EPHB2: variants seen among roughly 807,000 people sequenced by gnomAD.
EPHB2 encodes the protein EPH receptor B2.
Under a neutral mutation model 96.4 loss-of-function variants are expected in EPHB2, and 18 were observed. That is an observed-to-expected ratio of 0.19 (90% CI 0.13 to 0.28). The LOEUF is 0.28. EPHB2 is among the 10% of genes least tolerant of loss of function. EPHB2 has a pLI of 1.00. For synonymous variants in EPHB2, 506 were observed against 534.1 expected, an observed-to-expected ratio of 0.95 and a Z score of 0.72; for missense variants, 989 against 1,355.4, an observed-to-expected ratio of 0.73 and a Z score of 4.25.
chr1:22,866,067 T>A (rs1016122245), intron 5 of EPHB2, among the ~76,000 whole-genome samples: 2 of 152,084 alleles, frequency 1.3e-5, no homozygotes, highest in Non-Finnish European at 2.9e-5. Context: ...CTCAGTGTCA[T>A]AGGAGGCTAA....
intron 3 of EPHB2, among the ~76,000 whole-genome samples, chr1:22,818,447 T>C (rs1557693493): frequency 2.0e-5 from 3 of 152,076 alleles, no homozygotes; most frequent in Non-Finnish European, 2.9e-5. Context: ...CCTGCCCTCT[T>C]CCCCATCCAG....
At chr1:22,789,131 C>T (rs542866078) in intron 3 of EPHB2, among the ~76,000 whole-genome samples, 1 of 152,192 alleles carries the variant, frequency 6.6e-6, no homozygotes, top group Non-Finnish European at 1.5e-5. Flanking sequence ...TGTGATAACA[C>T]ATGTTTGGCT....
chr1:22,841,782 G>A (rs778741864), intron 3 of EPHB2, among the ~76,000 whole-genome samples: 1 of 152,310 alleles, frequency 6.6e-6, no homozygotes, highest in Non-Finnish European at 1.5e-5. Context: ...TCACAGTGCC[G>A]GAAGTGTCCA....
In EPHB2 at chr1:22,733,587, C is replaced by T. The variant is rs1351918955; in HGVS notation, c.61+22544C>T. On this transcript the variant is annotated intron_variant, in intron 1 of 15. Transcript: ENST00000374630. The surrounding 1 kb of genome is among the most constrained non-coding windows in gnomAD (Gnocchi z 4.6). Reference sequence around the variant, plus strand: ...CCTTATTATGTGCCATGTTGCCATGCTGAATCCACCACTGTGAGGCAGGAT... The same window carrying T: ...CCTTATTATGTGCCATGTTGCCATGTTGAATCCACCACTGTGAGGCAGGAT... Among the ~76,000 whole-genome samples, 1 of 152,202 alleles carries T rather than the reference C, an allele frequency of 6.6e-6. No homozygotes were observed. The highest frequency in any genetic ancestry group is 1.5e-5 in the Non-Finnish European group (1 of 68,046).
At chr1:22,863,888 G>A (rs894560080) in intron 4 of EPHB2, among the ~76,000 whole-genome samples, 3 of 152,090 alleles carry the variant, frequency 2.0e-5, no homozygotes, top group Admixed American at 6.5e-5. Flanking sequence ...ACCACACCCA[G>A]CTAATTTTTC....
chr1:22,712,668 G>C (rs1165078476), intron 1 of EPHB2, among the ~76,000 whole-genome samples: 4 of 152,236 alleles, frequency 2.6e-5, no homozygotes, highest in Non-Finnish European at 5.9e-5. Flanking sequence ...GCTGACTGCG[G>C]TTTCCCGGAG....
chr1:22,827,987 G>A (rs1267735038), intron 3 of EPHB2, among the ~76,000 whole-genome samples: 2 of 152,224 alleles, frequency 1.3e-5, no homozygotes, highest in African/African-American at 2.4e-5. Flanking sequence ...ACAGTCATGT[G>A]TGTGTCCACA....
At chr1:22,895,440 G>T (rs765052518) in intron 7 of EPHB2, 32 bp from the exon 8 acceptor site, 1 of 1,608,508 alleles carries the variant, frequency 6.2e-7, no homozygotes, top group Non-Finnish European at 8.5e-7. Flanking sequence ...CCACAGCCAG[G>T]CTGAGAATGC....
chr1:22,846,916 G>GGCT lies in EPHB2; in HGVS notation c.812-16119_812-16117dup, dbSNP rs1315838534. ...ACTGACCGGGGCATCTTCCCCACCA[G>GGCT]GCTGGGAGCCCCTTGAGCTGTGGAT... On this transcript the variant is annotated intron_variant, in intron 3 of 15. Coordinates refer to ENST00000374630, the MANE Select transcript of EPHB2 (RefSeq NM_017449.5). This position sits in a 1 kb window ranked among gnomAD's most constrained non-coding sequence, Gnocchi z 4.3. 6.6e-6 allele frequency among the ~76,000 whole-genome samples: 1 copy of GGCT among 152,188 alleles called. No individual in the cohort carries two copies. Among genetic ancestry groups the GGCT allele is most frequent in the Non-Finnish European group, 1.5e-5 (1 of 68,034 alleles).
In EPHB2 at chr1:22,845,844, TG is replaced by T. The variant is rs1557709035; in HGVS notation, c.812-17192del. Among the ~76,000 whole-genome samples, 3 of 152,186 alleles carry T rather than the reference TG, an allele frequency of 2.0e-5. No homozygotes were observed. In the East Asian group the frequency reaches 5.8e-4, roughly 29 times the overall value. ...TAAAGGTGATTGCTCTAAATGGCCA[TG>T]TCTAGGCAATTTGTCATAAAGTCTC... is the stretch of plus-strand genomic sequence containing the variant. On this transcript the variant is annotated intron_variant, in intron 3 of 15. Transcript: ENST00000374630.
At chr1:22,736,721 C>G (rs10442641) in intron 1 of EPHB2, among the ~76,000 whole-genome samples, 1 of 152,096 alleles carries the variant, frequency 6.6e-6, no homozygotes, top group African/African-American at 2.4e-5. Flanking sequence ...GCCCAGACCC[C>G]GGGCCCAGCC....
chr1:22,868,632 T>C lies in EPHB2; in HGVS notation c.1303+3420T>C, dbSNP rs113687533. ...CACCCCAGGCTTGTTTCTCTCAAGG[T>C]GAAGTGTAGGAGCATGGAGGGAGCC... On this transcript the variant is annotated intron_variant, in intron 5 of 15. Coordinates refer to ENST00000374630, the MANE Select transcript of EPHB2 (RefSeq NM_017449.5). 4.2e-3 allele frequency among the ~76,000 whole-genome samples: 641 copies of C among 152,152 alleles called. 3 individuals carry two copies. Among genetic ancestry groups the C allele is most frequent in the Middle Eastern group, 0.024 (7 of 294 alleles).
At position 22,858,871 on chromosome 1, in the gene EPHB2, C is replaced by T. The variant is rs1489009117; in HGVS notation, c.812-4166C>T. On this transcript the variant is annotated intron_variant, in intron 3 of 15. Transcript: ENST00000374630. This position sits in a 1 kb window ranked among gnomAD's most constrained non-coding sequence, Gnocchi z 7.7. ...GGGTGGGGCTCGATCCCCTTCCAGC[C>T]CCTCATTCATCCACCCATCACCCAC... 1.3e-5 allele frequency among the ~76,000 whole-genome samples: 2 copies of T among 152,184 alleles called. No individual in the cohort carries two copies. Among genetic ancestry groups the T allele is most frequent in the Non-Finnish European group, 2.9e-5 (2 of 68,042 alleles).
intron 3 of EPHB2, among the ~76,000 whole-genome samples, chr1:22,788,366 C>G (rs1334362260): frequency 2.0e-5 from 3 of 152,246 alleles, no homozygotes; most frequent in Non-Finnish European, 1.5e-5. Flanking sequence ...CAGCCATCCA[C>G]TGAGTGTGAG....
chr1:22,784,784 C>T lies in EPHB2; in HGVS notation c.519C>T (p.Gly173=). 6.2e-7 allele frequency: 1 copy of T among 1,606,290 alleles called. No individual in the cohort carries two copies. The highest frequency in any genetic ancestry group is 8.5e-7 in the Non-Finnish European group (1 of 1,174,636). The change falls in exon 3 of 16, where the codon GGC becomes GGT. Residue 173 remains glycine, a synonymous_variant. Coordinates refer to ENST00000374630, the MANE Select transcript of EPHB2 (RefSeq NM_017449.5). This position sits in a 1 kb window ranked among gnomAD's most constrained non-coding sequence, Gnocchi z 5.1. ...GCTTCGGACCTGTGTCCCGCAGCGGCTTCTACCTGGCCTTCCAGGACTATG... is the reference window on the plus strand; with the variant it reads ...GCTTCGGACCTGTGTCCCGCAGCGGTTTCTACCTGGCCTTCCAGGACTATG... ...VRSFGPVSRS[G]FYLAFQDYGG... is the part of the protein sequence containing the mutation.
chr1:22,788,756 T>G lies in EPHB2; in HGVS notation c.811+3680T>G, dbSNP rs1380158011. 4.3e-5 allele frequency among the ~76,000 whole-genome samples: 5 copies of G among 117,032 alleles called. No homozygotes were observed. In the East Asian group the frequency reaches 2.3e-3, roughly 54 times the overall value. 76.8% of individuals were successfully genotyped at this position (117,032 alleles called of 152,430 possible). The stretch of plus-strand genomic sequence containing the variant: ...TGTTTTTTTGTCTTTTGTTTTTGTT[T>G]TTTTTTTTTTTTTTTTGTGACAGGG... On this transcript the variant is annotated intron_variant, in intron 3 of 15. Coordinates refer to ENST00000374630, the MANE Select transcript of EPHB2 (RefSeq NM_017449.5).
chr1:22,753,123 T>C (rs2148382409), intron 1 of EPHB2, among the ~76,000 whole-genome samples: 1 of 152,244 alleles, frequency 6.6e-6, no homozygotes, highest in Non-Finnish European at 1.5e-5. Flanking sequence ...CAGTCAACAG[T>C]CTTTTTCACC....
chr1:22,828,359 C>T (rs1645254460), intron 3 of EPHB2, among the ~76,000 whole-genome samples: 2 of 152,086 alleles, frequency 1.3e-5, no homozygotes, highest in Admixed American at 6.5e-5. Context: ...GGGAAGCAGT[C>T]GAGGCATCCG....
At position 22,913,324 on chromosome 1, in the gene EPHB2, C is replaced by G; in HGVS notation, c.2853-138C>G. On this transcript the variant is annotated intron_variant, in intron 15 of 15. Coordinates refer to ENST00000374630, the MANE Select transcript of EPHB2 (RefSeq NM_017449.5). This position sits in a 1 kb window ranked among gnomAD's most constrained non-coding sequence, Gnocchi z 4.1. ...AGTCGCTCCCTCCAGCTGTGGCTGC[C>G]TGCCCACTCCCCACTCCCCACTCCC... The G allele has an allele frequency of 8.8e-7, 1 of 1,140,246 alleles. No homozygotes were observed. The highest frequency in any genetic ancestry group is 1.5e-5 in the African/African-American group (1 of 65,312). The allele number at this position is 1,140,246 out of a possible 1,614,324, so 70.6% of individuals were successfully genotyped here. A position where few individuals can be genotyped will look rare whatever the true frequency, so the allele number is the denominator to read the frequency against.
Sources: allele counts gnomAD v4.1 joint callset (sites outside exome capture counted in the v4.1 genomes callset), GRCh38; gene constraint gnomAD v4.1.1; non-coding constraint Gnocchi (gnomAD v3.1); transcripts MANE v1.5; gene names NCBI Gene and HGNC (gene_info 2026-07-23, HGNC 2026-07-21).